Variants in KCNQ3 observed in about 807,000 individuals in gnomAD.
KCNQ3 encodes potassium voltage-gated channel subfamily KQT member 3.
A neutral mutation model predicts 92.5 loss-of-function variants in KCNQ3; 30 were observed. The ratio of observed to expected loss-of-function variants is 0.32; its 90% confidence interval spans 0.24 to 0.44. KCNQ3 has a LOEUF of 0.44. Among genes scored for constraint, KCNQ3 ranks in the 20% least tolerant of loss-of-function variants. The probability of loss-of-function intolerance (pLI) is 1.00; values close to 1 mark genes in which losing one functional copy is unlikely to be tolerated. For synonymous variants in KCNQ3, 450 were observed against 468.8 expected (o/e 0.96, Z 0.52); for missense variants, 913 against 1,140.3 (o/e 0.80, Z 2.87).
At chr8:132,270,279 A>G (rs977998857) in intron 1 of KCNQ3, among the ~76,000 whole-genome samples, 7 of 152,234 alleles carry the variant, frequency 4.6e-5, no homozygotes, top group African/African-American at 1.4e-4. Context: ...GTTTTTCTAA[A>G]AATACCAAAT....
At chr8:132,362,553 C>T (rs1176763131) in intron 1 of KCNQ3, among the ~76,000 whole-genome samples, 1 of 152,166 alleles carries the variant, frequency 6.6e-6, no homozygotes, top group African/African-American at 2.4e-5. Flanking sequence ...TGAGGACATG[C>T]TGGGACAAAT....
At chr8:132,261,687 T>C (rs1008011081) in intron 1 of KCNQ3, among the ~76,000 whole-genome samples, 1 of 152,172 alleles carries the variant, frequency 6.6e-6, no homozygotes, top group African/African-American at 2.4e-5. Flanking sequence ...CAGAGGACTT[T>C]GAATTTTCTG....
chr8:132,177,997 G>A (rs527764842), intron 4 of KCNQ3, among the ~76,000 whole-genome samples: 96 of 152,328 alleles, frequency 6.3e-4, no homozygotes, highest in African/African-American at 1.6e-3. Flanking sequence ...CCTCACTGGC[G>A]TCTGGCTGTT....
chr8:132,383,699 G>C (rs1819816781), intron 1 of KCNQ3, among the ~76,000 whole-genome samples: 1 of 152,190 alleles, frequency 6.6e-6, no homozygotes, highest in South Asian at 2.1e-4. Context: ...CACAGAGGAT[G>C]CAGACCTTGT....
At chr8:132,363,683 A>AGGGC (rs1819234273) in intron 1 of KCNQ3, among the ~76,000 whole-genome samples, 1 of 151,882 alleles carries the variant, frequency 6.6e-6, no homozygotes, top group Non-Finnish European at 1.5e-5. Flanking sequence ...CTTTTAGCCC[A>AGGGC]CAGACTTAGC....
chr8:132,430,025 C>T (rs952400752), intron 1 of KCNQ3, among the ~76,000 whole-genome samples: 3 of 152,160 alleles, frequency 2.0e-5, no homozygotes, highest in Admixed American at 6.5e-5. Context: ...TACTCCCTCC[C>T]ACACCCTGGG....
chr8:132,229,717 C>A (rs1166585024), intron 1 of KCNQ3, among the ~76,000 whole-genome samples: 2 of 151,798 alleles, frequency 1.3e-5, no homozygotes, highest in African/African-American at 4.8e-5. Context: ...AAGCAGAGGG[C>A]GGTGAGTGGG....
intron 1 of KCNQ3, among the ~76,000 whole-genome samples, chr8:132,285,658 G>A (rs1166839457): frequency 6.6e-6 from 1 of 152,236 alleles, no homozygotes; most frequent in Non-Finnish European, 1.5e-5. Context: ...AATCAAGGGT[G>A]TGGCCCAGAG....
chr8:132,182,882 G>GTGCA (rs1554628592), intron 3 of KCNQ3, among the ~76,000 whole-genome samples: 3 of 145,992 alleles, frequency 2.1e-5, no homozygotes, highest in African/African-American at 7.5e-5. Flanking sequence ...CTCCAATATC[G>GTGCA]CACACACACA....
In KCNQ3 at chr8:132,129,515, G is replaced by A; in HGVS notation, c.2366C>T (p.Pro789Leu). 4 of 1,614,202 alleles carry A rather than the reference G, an allele frequency of 2.5e-6. No individual in the cohort carries two copies. In the African/African-American group the frequency reaches 4.0e-5, roughly 16 times the overall value. ...RRSITRDSDT[P>L]LSLMSVNHEE... Reference sequence around the variant, plus strand: ...GTGGTTGACCGACATCAGGGACAGAGGTGTGTCACTGTCTCGCGTGATGCT... The same window carrying A: ...GTGGTTGACCGACATCAGGGACAGAAGTGTGTCACTGTCTCGCGTGATGCT... Residue 789 changes from proline to leucine, a missense_variant, in exon 15 of 15, where the codon CCT (proline) becomes CTT (leucine). Physicochemically the swap from Pro to Leu is moderately conservative, Grantham distance 98. Around this residue, in one of 6 missense-constraint regions of KCNQ3, gnomAD observed 375 missense variants for 376.4 expected, o/e 1.00. Transcript: ENST00000388996. This position sits in a 1 kb window ranked among gnomAD's most constrained non-coding sequence, Gnocchi z 5.9.
intron 1 of KCNQ3, among the ~76,000 whole-genome samples, chr8:132,318,833 A>G (rs531178296): frequency 3.3e-5 from 5 of 152,254 alleles, no homozygotes; most frequent in African/African-American, 4.8e-5. Context: ...CCCTGAATCC[A>G]TTTTCCTCAG....
At chr8:132,169,856 CTTTATT>C (rs1304346876) in intron 8 of KCNQ3, among the ~76,000 whole-genome samples, 15 of 151,142 alleles carry the variant, frequency 9.9e-5, no homozygotes, top group African/African-American at 3.2e-4. Flanking sequence ...TTTTTTTTTT[CTTTATT>C]TTTATTTTTA....
intron 1 of KCNQ3, among the ~76,000 whole-genome samples, chr8:132,454,527 G>A (rs1228599744): frequency 2.0e-5 from 3 of 151,962 alleles, no homozygotes; most frequent in East Asian, 3.9e-4. Context: ...TCTGTAAAAC[G>A]AGTACCTCCG....
At chr8:132,210,058 G>T (rs372165990) in intron 1 of KCNQ3, among the ~76,000 whole-genome samples, 1 of 152,172 alleles carries the variant, frequency 6.6e-6, no homozygotes, top group Non-Finnish European at 1.5e-5. Flanking sequence ...ACAATGTCCT[G>T]GAACCCCAGT....
At chr8:132,364,587 T>G (rs933171343) in intron 1 of KCNQ3, among the ~76,000 whole-genome samples, 17 of 152,180 alleles carry the variant, frequency 1.1e-4, no homozygotes, top group Non-Finnish European at 1.9e-4. Flanking sequence ...TGGCTCACAA[T>G]TATAGGCTCA....
At position 132,480,418 on chromosome 8, in the gene KCNQ3, C is replaced by T. The variant is rs1448580874; in HGVS notation, c.115G>A (p.Glu39Lys). The stretch of plus-strand genomic sequence containing the variant: ...GGCGCCAGCCCCACTTTCCGCTCCT[C>T]GTCGCCGGCCGCCGCCGCGTCCCCT... ...AGGDAAAAGD[E>K]ERKVGLAPGD... Residue 39 changes from glutamate to lysine, a missense_variant, in exon 1 of 15, where the codon GAG (glutamate) becomes AAG (lysine). Physicochemically the swap from Glu to Lys is moderately conservative, Grantham distance 56. Coordinates refer to ENST00000388996, the MANE Select transcript of KCNQ3 (RefSeq NM_004519.4). The T allele has an allele frequency of 1.4e-6, 2 of 1,479,060 alleles. No homozygotes were observed. Among genetic ancestry groups the T allele is most frequent in the Admixed American group, 2.1e-5 (1 of 48,252 alleles). The allele number at this position is 1,479,060 out of a possible 1,614,324, so 91.6% of individuals were successfully genotyped here.
chr8:132,293,240 T>A (rs1462369357), intron 1 of KCNQ3, among the ~76,000 whole-genome samples: 1 of 152,210 alleles, frequency 6.6e-6, no homozygotes, highest in Non-Finnish European at 1.5e-5. Flanking sequence ...TCAATCGAAC[T>A]CAAAGAGGGG....
intron 1 of KCNQ3, among the ~76,000 whole-genome samples, chr8:132,306,102 T>C (rs1586913201): frequency 6.6e-6 from 1 of 152,168 alleles, no homozygotes; most frequent in Admixed American, 6.5e-5. Flanking sequence ...TGTCAATCCA[T>C]GTTTAGTGTG....
chr8:132,245,461 T>G (rs11787044), intron 1 of KCNQ3, among the ~76,000 whole-genome samples: 87,129 of 152,020 alleles, frequency 0.57, 25,857 homozygotes, highest in East Asian at 0.81. Flanking sequence ...TCCATGCATC[T>G]AATGTGTTTA....
Sources: gnomAD v4.1 joint callset for allele counts (sites outside exome capture counted in the v4.1 genomes callset) on GRCh38, gnomAD v4.1.1 for gene constraint, gnomAD v4.1.1 regional missense constraint, Gnocchi (gnomAD v3.1) non-coding constraint, MANE v1.5 for transcripts, NCBI Gene and HGNC (gene_info 2026-07-23, HGNC 2026-07-21) for gene names.